CFAP299: variants seen among roughly 807,000 people sequenced by gnomAD.
CFAP299 encodes the protein cilia and flagella associated protein 299, also known as cilia- and flagella-associated protein 299.
CFAP299 carries 21 observed loss-of-function variants against 27.0 expected under a neutral mutation model. That is an observed-to-expected ratio of 0.78 (90% CI 0.55 to 1.12). CFAP299 has a LOEUF of 1.12. Ranked by LOEUF, CFAP299 falls within the 50% of genes most tolerant of loss-of-function variation. The pLI, the probability that CFAP299 is intolerant of heterozygous loss-of-function variation, is 0.00. For missense variants in CFAP299, 310 were observed against 276.6 expected, an observed-to-expected ratio of 1.12 and a Z score of -0.86; for synonymous variants, 104 against 98.1, an observed-to-expected ratio of 1.06 and a Z score of -0.36.
intron 4 of CFAP299, chr4:80,871,960 CT>C (rs34601134): frequency 0.16 from 22,504 of 140,502 alleles, 2,084 homozygotes; most frequent in African/African-American, 0.27. Flanking sequence ...CTCTTGCATG[CT>C]TTTTTTTTTT....
chr4:80,617,218 A>T (rs1355368989), intron 3 of CFAP299, among the ~76,000 whole-genome samples: 2 of 152,160 alleles, frequency 1.3e-5, no homozygotes, highest in Non-Finnish European at 2.9e-5. Context: ...GTAACAGGAG[A>T]TTAGTTCTGA....
rs140868608 is a variant in CFAP299, at chr4:80,729,114, C to T, written c.334-140879C>T. 8.1e-4 allele frequency among the ~76,000 whole-genome samples: 124 copies of T among 152,276 alleles called. 2 individuals carry two copies. The East Asian group carries it at 0.022, about 27-fold the overall frequency. ...GTCGCTCTGGGTCTGTTCAAGAAGG[C>T]TTCATAGATTCTCTAGTCATCCACG... On this transcript the variant is annotated intron_variant, in intron 3 of 5. Coordinates refer to ENST00000358105, the MANE Select transcript of CFAP299 (RefSeq NM_152770.3).
chr4:80,786,383 A>G (rs1237371948), intron 3 of CFAP299, among the ~76,000 whole-genome samples: 1 of 152,098 alleles, frequency 6.6e-6, no homozygotes, highest in African/African-American at 2.4e-5. Context: ...GATTTACAAC[A>G]CTATACACTT....
intron 2 of CFAP299, among the ~76,000 whole-genome samples, chr4:80,455,159 C>A (rs1729083547): frequency 1.3e-5 from 2 of 152,180 alleles, no homozygotes; most frequent in Admixed American, 1.3e-4. Context: ...TGGCTAATTT[C>A]TTAGGCTTTC....
At chr4:80,929,752 C>T (rs1432124527) in intron 4 of CFAP299, among the ~76,000 whole-genome samples, 2 of 152,152 alleles carry the variant, frequency 1.3e-5, no homozygotes, top group African/African-American at 4.8e-5. Context: ...CTGGGCATAT[C>T]TCTTTTCTGC....
chr4:80,650,127 T>C (rs1157292114), intron 3 of CFAP299, among the ~76,000 whole-genome samples: 1 of 152,126 alleles, frequency 6.6e-6, no homozygotes, highest in Non-Finnish European at 1.5e-5. Flanking sequence ...TGTAGAATTA[T>C]CTAAAATATG....
intron 3 of CFAP299, among the ~76,000 whole-genome samples, chr4:80,692,280 C>T (rs1412508918): frequency 6.6e-6 from 1 of 151,784 alleles, no homozygotes; most frequent in African/African-American, 2.4e-5. Context: ...CATCACACTA[C>T]CTGACTTCAA....
chr4:80,651,367 CTTT>C (rs11365987), intron 3 of CFAP299, among the ~76,000 whole-genome samples: 1 of 133,778 alleles, frequency 7.5e-6, no homozygotes, highest in Non-Finnish European at 1.6e-5. Flanking sequence ...TCTTCTTCTT[CTTT>C]TTTTTTTTTT....
chr4:80,568,067 A>C (rs1735398869), intron 2 of CFAP299, among the ~76,000 whole-genome samples: 1 of 151,828 alleles, frequency 6.6e-6, no homozygotes, highest in African/African-American at 2.4e-5. Flanking sequence ...GACTGGTGTA[A>C]AATTTTTAAA....
chr4:80,678,632 A>T (rs956743175), intron 3 of CFAP299, among the ~76,000 whole-genome samples: 7 of 152,082 alleles, frequency 4.6e-5, no homozygotes, highest in Non-Finnish European at 8.8e-5. Flanking sequence ...ACCACTCTGC[A>T]TCATGCCTAT....
intron 3 of CFAP299, among the ~76,000 whole-genome samples, chr4:80,633,231 G>A (rs1275465651): frequency 6.6e-6 from 1 of 152,048 alleles, no homozygotes; most frequent in African/African-American, 2.4e-5. Flanking sequence ...GGCGGATCAC[G>A]AGGTCAGGAG....
chr4:80,387,592 G>T, intron 2 of CFAP299: 1 of 1,177,360 alleles, frequency 8.5e-7, no homozygotes, highest in Non-Finnish European at 1.3e-6. Flanking sequence ...GACCTGTACA[G>T]TCACAGAGTT....
At chr4:80,625,063 T>C (rs1286025766) in intron 3 of CFAP299, among the ~76,000 whole-genome samples, 6 of 152,126 alleles carry the variant, frequency 3.9e-5, no homozygotes, top group Admixed American at 3.9e-4. Flanking sequence ...AACTCACTGG[T>C]AAAAGTAAAT....
chr4:80,696,484 A>C (rs1397403553), intron 3 of CFAP299, among the ~76,000 whole-genome samples: 1 of 152,176 alleles, frequency 6.6e-6, no homozygotes, highest in East Asian at 1.9e-4. Flanking sequence ...AAATAACAAT[A>C]AGAGACAGAA....
intron 3 of CFAP299, among the ~76,000 whole-genome samples, chr4:80,838,693 G>A (rs555748277): frequency 3.8e-4 from 58 of 152,226 alleles, no homozygotes; most frequent in African/African-American, 1.2e-3. Context: ...AAGTCAGGTA[G>A]TGTGATGCCT....
intron 2 of CFAP299, among the ~76,000 whole-genome samples, chr4:80,456,614 A>G (rs1729173986): frequency 6.6e-6 from 1 of 152,208 alleles, no homozygotes. Flanking sequence ...GAAATAGACC[A>G]TAAGAGAAGG....
intron 2 of CFAP299, among the ~76,000 whole-genome samples, chr4:80,567,695 A>G (rs1316232791): frequency 1.3e-5 from 2 of 150,612 alleles, no homozygotes; most frequent in Non-Finnish European, 3.0e-5. Flanking sequence ...TTTTCCTTCT[A>G]TGCAATTTTC....
chr4:80,938,754 T>G (rs1391235029), intron 4 of CFAP299, among the ~76,000 whole-genome samples: 2 of 152,204 alleles, frequency 1.3e-5, no homozygotes, highest in Non-Finnish European at 2.9e-5. Flanking sequence ...TATACTTTTA[T>G]GTTTTCATGT....
In CFAP299 at chr4:80,435,720, C is replaced by G. The variant is rs564402620; in HGVS notation, c.242+72836C>G. Among the ~76,000 whole-genome samples the G allele has an allele frequency of 2.8e-4, 42 of 152,266 alleles. 1 individual carries two copies. The highest frequency in any genetic ancestry group is 3.4e-3 in the Middle Eastern group (1 of 294). On this transcript the variant is annotated intron_variant, in intron 2 of 5. Coordinates refer to ENST00000358105, the MANE Select transcript of CFAP299 (RefSeq NM_152770.3). The stretch of plus-strand genomic sequence containing the variant: ...GATGGGCCTTACCAAGGGACTTACT[C>G]CATGGTTGATCAGGGAATATTTGTA...
Sources: gnomAD v4.1 joint callset for allele counts (sites outside exome capture counted in the v4.1 genomes callset) on GRCh38, gnomAD v4.1.1 for gene constraint, MANE v1.5 for transcripts, NCBI Gene and HGNC (gene_info 2026-07-23, HGNC 2026-07-21) for gene names.